GNAS-AS1: variants seen among roughly 807,000 people sequenced by gnomAD.
GNAS-AS1 encodes the protein GNAS antisense RNA 1.
chr20:58,827,624 C>T (rs1042125438), intron 4 of GNAS-AS1, among the ~76,000 whole-genome samples: 1 of 152,142 alleles, frequency 6.6e-6, no homozygotes, highest in Non-Finnish European at 1.5e-5. Context: ...TCAGCCCAGA[C>T]GATGAGGTGA....
At chr20:58,846,748 A>G (rs1360656201) in intron 2 of GNAS-AS1, among the ~76,000 whole-genome samples, 1 of 152,180 alleles carries the variant, frequency 6.6e-6, no homozygotes, top group African/African-American at 2.4e-5. Context: ...ATTAGATTTC[A>G]TTAGGAAAAT....
chr20:58,822,998 C>G (rs1246714432), intron 4 of GNAS-AS1, among the ~76,000 whole-genome samples: 1 of 152,152 alleles, frequency 6.6e-6, no homozygotes, highest in Non-Finnish European at 1.5e-5. Context: ...GCCCGCCACC[C>G]CTGGCGCCTA....
In GNAS-AS1 at chr20:58,840,076, C is replaced by T. The variant is rs1194297472; in HGVS notation, n.819+1861G>A. 2 of 1,607,634 alleles carry T rather than the reference C, an allele frequency of 1.2e-6. No homozygotes were observed. Among genetic ancestry groups the T allele is most frequent in the Admixed American group, 3.3e-5 (2 of 60,022 alleles). On this transcript the variant is annotated intron_variant and non_coding_transcript_variant, in intron 4 of 4. Coordinates refer to ENST00000424094, the Ensembl canonical transcript of GNAS-AS1. The surrounding 1 kb of genome is among the most constrained non-coding windows in gnomAD (Gnocchi z 6.0). Reference sequence around the variant, plus strand: ...AGCCACTCTCTGCAGAGCCAGAGGGCAGGCCGGCTTCTCGGTGTGTGCCTA... The same window carrying T: ...AGCCACTCTCTGCAGAGCCAGAGGGTAGGCCGGCTTCTCGGTGTGTGCCTA...
intron 4 of GNAS-AS1, among the ~76,000 whole-genome samples, chr20:58,830,865 C>T (rs1021791579): frequency 1.3e-5 from 2 of 151,824 alleles, no homozygotes; most frequent in South Asian, 2.1e-4. Context: ...CTGTTGAGCC[C>T]TCTCATAAGA....
intron 4 of GNAS-AS1, chr20:58,819,380 T>C (rs899957148): frequency 1.0e-5 from 4 of 397,490 alleles, no homozygotes; most frequent in Admixed American, 4.4e-5. Flanking sequence ...ACACTCCAAC[T>C]TGATATCTTG....
Position 58,844,772 on chromosome 20 carries a change from C to T in GNAS-AS1, n.414-2227G>A, listed in dbSNP as rs192763289. On this transcript the variant is annotated intron_variant and non_coding_transcript_variant, in intron 2 of 4. Transcript: ENST00000424094. ...GGTATCGCGCCATTGCACTCCAGCC[C>T]GGCCTACAGTGTGAGACTCCATCTC... Among the ~76,000 whole-genome samples the T allele has an allele frequency of 5.9e-5, 9 of 151,346 alleles. No homozygotes were observed. In the East Asian group the frequency reaches 7.8e-4, roughly 13 times the overall value.
rs1054250092 is a variant in GNAS-AS1 at position 58,822,812 on chromosome 20, G to A, written n.820-3557C>T. ...CCAAGGCCCCGGAGTGGAAAGCAGG[G>A]TGCTGAGGTTAGCGCTCACATCTCT... On this transcript the variant is annotated intron_variant and non_coding_transcript_variant, in intron 4 of 4. Transcript: ENST00000424094. Among the ~76,000 whole-genome samples the A allele has an allele frequency of 3.9e-5, 6 of 152,052 alleles. No homozygotes were observed. The East Asian group carries it at 1.2e-3, about 29-fold the overall frequency.
chr20:58,835,879 C>A (rs755629806), intron 4 of GNAS-AS1, among the ~76,000 whole-genome samples: 4 of 152,214 alleles, frequency 2.6e-5, no homozygotes, highest in Non-Finnish European at 4.4e-5. Context: ...TGACTCATTT[C>A]TTTGCTTCAA....
intron 4 of GNAS-AS1, among the ~76,000 whole-genome samples, chr20:58,828,962 C>T (rs548569582): frequency 1.7e-3 from 233 of 134,868 alleles, no homozygotes; most frequent in Non-Finnish European, 2.8e-3. Flanking sequence ...CTGGCCCCAC[C>T]GCCCCACTCA....
chr20:58,822,825 C>T (rs538176092), intron 4 of GNAS-AS1, among the ~76,000 whole-genome samples: 20 of 152,178 alleles, frequency 1.3e-4, no homozygotes, highest in Admixed American at 5.9e-4. Flanking sequence ...CTGAGGTTAG[C>T]GCTCACATCT....
chr20:58,847,814 C>CT (rs1314838134), intron 2 of GNAS-AS1, among the ~76,000 whole-genome samples: 1 of 152,198 alleles, frequency 6.6e-6, no homozygotes, highest in Admixed American at 6.5e-5. Context: ...ACCCAGAAAG[C>CT]TGACAGGTAG....
intron 4 of GNAS-AS1, among the ~76,000 whole-genome samples, chr20:58,832,026 C>G (rs1355761239): frequency 2.0e-5 from 3 of 152,212 alleles, no homozygotes; most frequent in African/African-American, 7.2e-5. Context: ...TCTACCAAAT[C>G]CTCCAGAAAC....
intron 4 of GNAS-AS1, among the ~76,000 whole-genome samples, chr20:58,827,698 A>G (rs2085530279): frequency 6.6e-6 from 1 of 152,234 alleles, no homozygotes; most frequent in Non-Finnish European, 1.5e-5. Context: ...AGATATGTAG[A>G]TAGATGAAAA....
intron 4 of GNAS-AS1, chr20:58,836,350 T>G (rs890758740): frequency 1.3e-5 from 2 of 152,210 alleles, no homozygotes; most frequent in African/African-American, 4.8e-5. Flanking sequence ...CTACCACCGA[T>G]AGGTTCTAAT....
At chr20:58,828,118 G>GAA (rs1555864671) in intron 4 of GNAS-AS1, among the ~76,000 whole-genome samples, 1 of 152,202 alleles carries the variant, frequency 6.6e-6, no homozygotes, top group Non-Finnish European at 1.5e-5. Context: ...ACAACCAAGA[G>GAA]AAAAAGAGAG....
chr20:58,835,456 GA>G (rs918712530), intron 4 of GNAS-AS1, among the ~76,000 whole-genome samples: 1 of 152,178 alleles, frequency 6.6e-6, no homozygotes, highest in Non-Finnish European at 1.5e-5. Context: ...CACATGGTTA[GA>G]AACAAGTGGA....
At chr20:58,850,069 C>T (rs1034809786) in intron 1 of GNAS-AS1, among the ~76,000 whole-genome samples, 1 of 152,200 alleles carries the variant, frequency 6.6e-6, no homozygotes, top group Non-Finnish European at 1.5e-5. Context: ...TACCCAGCCA[C>T]GCCCCATGTT....
chr20:58,847,135 G>C (rs2085969726), intron 2 of GNAS-AS1, among the ~76,000 whole-genome samples: 1 of 152,252 alleles, frequency 6.6e-6, no homozygotes, highest in Non-Finnish European at 1.5e-5. Flanking sequence ...GGCACCTTTT[G>C]AGAAGGTTGC....
chr20:58,844,445 A>G (rs1352945947), intron 2 of GNAS-AS1, among the ~76,000 whole-genome samples: 2 of 152,152 alleles, frequency 1.3e-5, no homozygotes, highest in East Asian at 1.9e-4. Context: ...TCTATTTCCT[A>G]TAACTTGATG....
Sources: allele counts gnomAD v4.1 joint callset (sites outside exome capture counted in the v4.1 genomes callset), GRCh38; gene constraint gnomAD v4.1.1; non-coding constraint Gnocchi (gnomAD v3.1); transcripts MANE v1.5; gene names NCBI Gene and HGNC (gene_info 2026-07-23, HGNC 2026-07-21).